The following TRAP1 variants were observed in gnomAD, a reference collection of about 807,000 sequenced individuals.
TRAP1 encodes the protein heat shock protein 75 kDa, mitochondrial.
Under a neutral mutation model 89.1 loss-of-function variants are expected in TRAP1, and 102 were observed. That is an observed-to-expected ratio of 1.15 (90% confidence interval 0.98 to 1.35). The LOEUF (loss-of-function observed/expected upper bound fraction) is 1.35. Among genes scored for constraint, TRAP1 ranks in the 40% most tolerant of loss-of-function variants. The pLI, the probability that TRAP1 is intolerant of heterozygous loss-of-function variation, is 0.00. For synonymous variants in TRAP1, 508 were observed against 388.0 expected, an observed-to-expected ratio of 1.31 and a Z score of -3.64; for missense variants, 1,256 against 945.3, an observed-to-expected ratio of 1.33 and a Z score of -4.31.
At chr16:3,717,337 G>T in intron 1 of TRAP1, 84 bp downstream of exon 1, 1 of 497,326 alleles carries the variant, frequency 2.0e-6, no homozygotes, top group Non-Finnish European at 3.1e-6. Context: ...AGGTGCCGGC[G>T]CCTCGCTCCC....
At position 3,682,329 on chromosome 16, in the gene TRAP1, T is replaced by C. The variant is rs533890683; in HGVS notation, c.472-2539A>G. On this transcript the variant is annotated intron_variant, in intron 4 of 17. Coordinates refer to ENST00000246957, the MANE Select transcript of TRAP1 (RefSeq NM_016292.3). ...ACTTTGGAAGGTCAAGGTGGGAAAA[T>C]TGCTTGAGCCCAGGAGTTTGACACC... 1.8e-3 allele frequency among the ~76,000 whole-genome samples: 265 copies of C among 150,688 alleles called. 3 individuals carry two copies. The highest frequency in any genetic ancestry group is 6.5e-3 in the South Asian group (31 of 4,758).
intron 4 of TRAP1, among the ~76,000 whole-genome samples, chr16:3,684,573 T>A (rs972818298): frequency 6.6e-6 from 1 of 152,136 alleles, no homozygotes; most frequent in Non-Finnish European, 1.5e-5. Context: ...GCAGATCACT[T>A]GAGGGCAGGA....
rs35893407 is a variant in TRAP1 at position 3,658,674 on chromosome 16, A to AAAAC, written c.2013+115_2013+118dup. 237,917 of 982,008 alleles carry AAAAC rather than the reference A, an allele frequency of 0.24. 32,702 individuals carry two copies. The highest frequency in any genetic ancestry group is 0.42 in the African/African-American group (25,072 of 59,942). 60.8% of individuals were successfully genotyped at this position (982,008 alleles called of 1,614,324 possible). On this transcript the variant is annotated intron_variant, in intron 17 of 17. Coordinates refer to ENST00000246957, the MANE Select transcript of TRAP1 (RefSeq NM_016292.3). ...GCAACAGAGCAACACTCCATCTCAA[A>AAAAC]AAACAAACAAACAAACAAAAAGACA... is the stretch of plus-strand genomic sequence containing the variant.
At position 3,658,097 on chromosome 16, in the gene TRAP1, C is replaced by T; in HGVS notation, c.*32G>A. 2 of 1,611,842 alleles carry T rather than the reference C, an allele frequency of 1.2e-6. No homozygotes were observed. Among genetic ancestry groups the T allele is most frequent in the South Asian group, 1.1e-5 (1 of 90,980 alleles). On this transcript the variant is annotated 3_prime_UTR_variant, in exon 18 of 18. Coordinates refer to ENST00000246957, the MANE Select transcript of TRAP1 (RefSeq NM_016292.3). ...AAGCTCAAGGAGGTGGGGCTGTCAT[C>T]TGTGGTGTCAGTCCTTCTGGCCCCC...
intron 1 of TRAP1, among the ~76,000 whole-genome samples, chr16:3,701,907 T>G (rs1186846249): frequency 6.6e-6 from 1 of 152,170 alleles, no homozygotes; most frequent in African/African-American, 2.4e-5. Context: ...AAACAGATAT[T>G]AAATTATTAA....
chr16:3,686,038 A>G lies in TRAP1; in HGVS notation c.429T>C (p.Ile143=), dbSNP rs1332774527. Residue 143 remains isoleucine (I), a synonymous_variant, in exon 4 of 18, where the codon ATT becomes ATC. Transcript: ENST00000246957. The stretch of plus-strand genomic sequence containing the variant: ...CTTTCTCGGCATTGGTCTGCAAGTG[A>G]ATCTCCATTTCTGGCAGTGCTTGGC... ...SDGQALPEME[I]HLQTNAEKGT... The G allele has an allele frequency of 9.9e-6, 16 of 1,614,094 alleles. No homozygotes were observed. The highest frequency in any genetic ancestry group is 1.3e-5 in the Non-Finnish European group (15 of 1,180,004).
intron 15 of TRAP1, 94 bp downstream of exon 15, chr16:3,662,788 G>A: frequency 8.5e-7 from 1 of 1,181,868 alleles, no homozygotes; most frequent in East Asian, 2.4e-5. Flanking sequence ...CTGCTGGAAG[G>A]ACACCCAACG....
At chr16:3,701,922 A>G (rs2151278327) in intron 1 of TRAP1, among the ~76,000 whole-genome samples, 1 of 152,316 alleles carries the variant, frequency 6.6e-6, no homozygotes, top group South Asian at 2.1e-4. Context: ...TATTAAAAAT[A>G]TGAGGCTGCC....
At chr16:3,703,153 C>A (rs2051392413) in intron 1 of TRAP1, among the ~76,000 whole-genome samples, 1 of 150,760 alleles carries the variant, frequency 6.6e-6, no homozygotes, top group Non-Finnish European at 1.5e-5. Context: ...CATAAGAGAC[C>A]CCAGGAACAA....
intron 1 of TRAP1, among the ~76,000 whole-genome samples, chr16:3,715,029 C>G (rs1170140873): frequency 6.6e-6 from 1 of 152,184 alleles, no homozygotes; most frequent in African/African-American, 2.4e-5. Context: ...GACAAGGGCA[C>G]CTGCCACGCA....
chr16:3,686,733 G>A (rs2051143616), intron 3 of TRAP1, among the ~76,000 whole-genome samples: 1 of 152,200 alleles, frequency 6.6e-6, no homozygotes, highest in African/African-American at 2.4e-5. Context: ...CACTTTGGGA[G>A]GCTGAAGCAG....
intron 4 of TRAP1, among the ~76,000 whole-genome samples, chr16:3,680,297 G>A (rs576890160): frequency 6.6e-6 from 1 of 152,000 alleles, no homozygotes; most frequent in South Asian, 2.1e-4. Flanking sequence ...CCTCACCAGA[G>A]AAAACAGGAA....
At chr16:3,710,307 G>A (rs1263107743) in intron 1 of TRAP1, 1 of 152,236 alleles carries the variant, frequency 6.6e-6, no homozygotes, top group Non-Finnish European at 1.5e-5. Context: ...CTGCAAACTA[G>A]GAAAGGAGAG....
At chr16:3,673,896 A>C (rs2050950680) in intron 9 of TRAP1, among the ~76,000 whole-genome samples, 1 of 152,066 alleles carries the variant, frequency 6.6e-6, no homozygotes, top group African/African-American at 2.4e-5. Context: ...CCCTTCCCAG[A>C]GCGCCTGGCA....
intron 1 of TRAP1, among the ~76,000 whole-genome samples, chr16:3,693,561 C>T (rs2051245492): frequency 6.6e-6 from 1 of 152,114 alleles, no homozygotes; most frequent in African/African-American, 2.4e-5. Context: ...CAACACCTGC[C>T]CACAGAGCAT....
At chr16:3,676,735 G>C (rs997438955) in intron 6 of TRAP1, 1 of 152,406 alleles carries the variant, frequency 6.6e-6, no homozygotes, top group African/African-American at 2.4e-5. Flanking sequence ...AGGACGCCTC[G>C]GCTGGCTGGA....
chr16:3,692,722 C>A (rs538461007), intron 1 of TRAP1, among the ~76,000 whole-genome samples: 3 of 150,328 alleles, frequency 2.0e-5, no homozygotes, highest in Non-Finnish European at 4.4e-5. Context: ...CCTCAGCCTC[C>A]CGAGTAGCTG....
At chr16:3,701,845 A>G (rs1478509753) in intron 1 of TRAP1, among the ~76,000 whole-genome samples, 1 of 152,236 alleles carries the variant, frequency 6.6e-6, no homozygotes, top group Non-Finnish European at 1.5e-5. Flanking sequence ...AGACTTCTCA[A>G]GCTTTACCTG....
intron 1 of TRAP1, among the ~76,000 whole-genome samples, chr16:3,706,359 T>C (rs1279761397): frequency 6.6e-6 from 1 of 151,764 alleles, no homozygotes; most frequent in African/African-American, 2.4e-5. Context: ...TGGTGCATGG[T>C]AGCCTCCAAC....
Sources: gnomAD v4.1 joint callset for allele counts (sites outside exome capture counted in the v4.1 genomes callset) on GRCh38, gnomAD v4.1.1 for gene constraint, MANE v1.5 for transcripts, NCBI Gene and HGNC (gene_info 2026-07-23, HGNC 2026-07-21) for gene names.